ARHGAP28: variants seen among roughly 807,000 people sequenced by gnomAD.
ARHGAP28 encodes Rho GTPase activating protein 28.
Under a neutral mutation model 90.7 loss-of-function variants are expected in ARHGAP28, and 56 were observed. That is an observed-to-expected ratio of 0.62 (90% CI 0.50 to 0.77). ARHGAP28 has a LOEUF of 0.77. ARHGAP28 is among the 30% of genes least tolerant of loss of function. The pLI is 0.00. For missense variants in ARHGAP28, 869 were observed against 900.9 expected (o/e 0.96, Z 0.45); for synonymous variants, 308 against 323.3 (o/e 0.95, Z 0.51).
At chr18:6,755,996 A>C (rs2056106179) in intron 1 of ARHGAP28, among the ~76,000 whole-genome samples, 1 of 152,150 alleles carries the variant, frequency 6.6e-6, no homozygotes, top group Non-Finnish European at 1.5e-5. Flanking sequence ...AAAGAAACAA[A>C]TCTATGGGGA....
intron 1 of ARHGAP28, among the ~76,000 whole-genome samples, chr18:6,757,483 C>A (rs74561636): frequency 2.6e-5 from 4 of 152,038 alleles, no homozygotes; most frequent in African/African-American, 7.2e-5. Flanking sequence ...AACATACCGA[C>A]GATTAATACA....
At chr18:6,841,720 C>G (rs973690846) in intron 3 of ARHGAP28, among the ~76,000 whole-genome samples, 1 of 151,906 alleles carries the variant, frequency 6.6e-6, no homozygotes, top group African/African-American at 2.4e-5. Context: ...CAATCCTGTT[C>G]CTTTACATAA....
chr18:6,873,851 G>T (rs1002622314), intron 9 of ARHGAP28, 76 bp downstream of exon 9: 1 of 1,248,970 alleles, frequency 8.0e-7, no homozygotes, highest in Non-Finnish European at 1.1e-6. Context: ...ACCCACAAAT[G>T]AATTTTCTTT....
At chr18:6,820,725 A>C (rs1227465323) in intron 1 of ARHGAP28, among the ~76,000 whole-genome samples, 1 of 152,250 alleles carries the variant, frequency 6.6e-6, no homozygotes, top group Admixed American at 6.5e-5. Flanking sequence ...AAGACAATGG[A>C]ATGACTTCTT....
chr18:6,850,929 C>A lies in ARHGAP28; in HGVS notation c.544-105C>A, dbSNP rs575260518. 5.5e-5 allele frequency: 85 copies of A among 1,536,322 alleles called. No individual in the cohort carries two copies. In the African/African-American group the frequency reaches 1.0e-3, roughly 18 times the overall value. On this transcript the variant is annotated intron_variant, in intron 3 of 17. Coordinates refer to ENST00000383472, the MANE Select transcript of ARHGAP28 (RefSeq NM_001366230.1). The stretch of plus-strand genomic sequence containing the variant: ...GTCATTAATTGTATATATCTCCAGG[C>A]AGCTGTACATATATATAAAAACTCT...
chr18:6,756,701 G>A (rs746969789), intron 1 of ARHGAP28, among the ~76,000 whole-genome samples: 20 of 152,110 alleles, frequency 1.3e-4, no homozygotes, highest in Non-Finnish European at 1.9e-4. Flanking sequence ...GGCTCAGTCC[G>A]AGCCCAAAAT....
At chr18:6,890,119 A>G in intron 13 of ARHGAP28, 34 bp downstream of exon 13, 1 of 1,609,766 alleles carries the variant, frequency 6.2e-7, no homozygotes, top group Non-Finnish European at 8.5e-7. Flanking sequence ...TCCCCCTCAG[A>G]AGTCCATGTC....
chr18:6,905,616 G>A (rs1431441145), intron 16 of ARHGAP28, among the ~76,000 whole-genome samples: 1 of 152,040 alleles, frequency 6.6e-6, no homozygotes, highest in Non-Finnish European at 1.5e-5. Flanking sequence ...AAGTCTATTT[G>A]CAGATGACCT....
intron 2 of ARHGAP28, among the ~76,000 whole-genome samples, chr18:6,832,967 A>G (rs1011370229): frequency 4.6e-5 from 7 of 152,120 alleles, no homozygotes; most frequent in African/African-American, 1.7e-4. Context: ...TTGCAGCAGT[A>G]GAATTTCATT....
At chr18:6,786,671 T>C (rs1355112960) in intron 1 of ARHGAP28, among the ~76,000 whole-genome samples, 2 of 152,166 alleles carry the variant, frequency 1.3e-5, no homozygotes, top group East Asian at 3.8e-4. Flanking sequence ...CCATTTAAAA[T>C]TTGATGAAAA....
Position 6,772,720 on chromosome 18 carries a change from GTTTTATTTTTTTTTATT to G in ARHGAP28, c.122+42792_122+42808del, listed in dbSNP as rs545523045. Among the ~76,000 whole-genome samples, 290 of 151,880 alleles carry G rather than the reference GTTTTATTTTTTTTTATT, an allele frequency of 1.9e-3. 1 individual carries two copies. Among genetic ancestry groups the G allele is most frequent in the African/African-American group, 6.7e-3 (278 of 41,438 alleles). On this transcript the variant is annotated intron_variant, in intron 1 of 17. Coordinates refer to ENST00000383472, the MANE Select transcript of ARHGAP28 (RefSeq NM_001366230.1). ...TGACAGTATTTTCAATTTGTGATGG[GTTTTATTTTTTTTTATT>G]TTTTATTTTTTTTTGAGACGGAGTT...
chr18:6,881,740 G>A (rs561338676), intron 10 of ARHGAP28, among the ~76,000 whole-genome samples: 1 of 152,116 alleles, frequency 6.6e-6, no homozygotes, highest in Non-Finnish European at 1.5e-5. Context: ...ATCTAATTTA[G>A]AAATAGAAGA....
At chr18:6,761,687 A>C (rs932827382) in intron 1 of ARHGAP28, among the ~76,000 whole-genome samples, 2 of 152,218 alleles carry the variant, frequency 1.3e-5, no homozygotes, top group African/African-American at 4.8e-5. Flanking sequence ...AAGCATTGTT[A>C]ATGATCGAAT....
chr18:6,736,184 G>A (rs1018862204), intron 1 of ARHGAP28, among the ~76,000 whole-genome samples: 1 of 151,896 alleles, frequency 6.6e-6, no homozygotes, highest in Non-Finnish European at 1.5e-5. Flanking sequence ...TTCTACATTT[G>A]ACTCATTTTA....
rs1019552651 is a variant in ARHGAP28, at chr18:6,914,021, A to G, written c.*1867A>G. 6.6e-6 allele frequency: 1 copy of G among 152,202 alleles called. No individual in the cohort carries two copies. Among genetic ancestry groups the G allele is most frequent in the Non-Finnish European group, 1.5e-5 (1 of 68,030 alleles). The allele number at this position is 152,202 out of a possible 1,614,324, so 9.4% of individuals were successfully genotyped here. On this transcript the variant is annotated 3_prime_UTR_variant, in exon 18 of 18. Coordinates refer to ENST00000383472, the MANE Select transcript of ARHGAP28 (RefSeq NM_001366230.1). ...ATAGCTACCTTACATTTCTGCGTAT[A>G]TATGAAAACTGAATGATATTTCTCA... is the stretch of plus-strand genomic sequence containing the variant.
chr18:6,767,777 T>A (rs924528673), intron 1 of ARHGAP28, among the ~76,000 whole-genome samples: 2 of 152,206 alleles, frequency 1.3e-5, no homozygotes, highest in Admixed American at 1.3e-4. Context: ...AGCAATTACA[T>A]CATTATATGC....
At position 6,775,610 on chromosome 18, in the gene ARHGAP28, G is replaced by A. The variant is rs762732824; in HGVS notation, c.122+45667G>A. Among the ~76,000 whole-genome samples, 6 of 152,172 alleles carry A rather than the reference G, an allele frequency of 3.9e-5. No homozygotes were observed. The South Asian group carries it at 8.3e-4, about 21-fold the overall frequency. On this transcript the variant is annotated intron_variant, in intron 1 of 17. Coordinates refer to ENST00000383472, the MANE Select transcript of ARHGAP28 (RefSeq NM_001366230.1). ...ACGTGATGCTTCGGATGTGACATTCGCTGGATGTGTTCATTTGTGAAAGTA... is the reference window on the plus strand; with the variant it reads ...ACGTGATGCTTCGGATGTGACATTCACTGGATGTGTTCATTTGTGAAAGTA...
At chr18:6,830,688 C>A (rs969442251) in intron 2 of ARHGAP28, among the ~76,000 whole-genome samples, 2 of 152,206 alleles carry the variant, frequency 1.3e-5, no homozygotes, top group East Asian at 3.8e-4. Flanking sequence ...AGCCTCATCT[C>A]AATTTACATC....
intron 5 of ARHGAP28, among the ~76,000 whole-genome samples, chr18:6,864,450 A>G (rs1336742984): frequency 6.6e-6 from 1 of 152,200 alleles, no homozygotes; most frequent in Non-Finnish European, 1.5e-5. Context: ...TATTTGCTTT[A>G]TCAAGATATA....
Sources: gnomAD v4.1 joint callset for allele counts (sites outside exome capture counted in the v4.1 genomes callset) on GRCh38, gnomAD v4.1.1 for gene constraint, MANE v1.5 for transcripts, NCBI Gene and HGNC (gene_info 2026-07-23, HGNC 2026-07-21) for gene names.